Variants in EIF2B3 observed in about 807,000 individuals in gnomAD.
EIF2B3 encodes the protein eukaryotic translation initiation factor 2B subunit gamma, also known as translation initiation factor eIF2B subunit gamma.
Under a neutral mutation model 54.1 loss-of-function variants are expected in EIF2B3, and 20 were observed. That is an observed-to-expected ratio of 0.37 (90% CI 0.26 to 0.54). EIF2B3 has a LOEUF of 0.54. Among genes scored for constraint, EIF2B3 ranks in the 20% least tolerant of loss-of-function variants. EIF2B3 has a pLI of 0.86. For synonymous variants in EIF2B3, 153 were observed against 188.1 expected (o/e 0.81, Z 1.52); for missense variants, 448 against 547.8 (o/e 0.82, Z 1.82).
chr1:44,872,300 C>T (rs973277349), intron 10 of EIF2B3, among the ~76,000 whole-genome samples: 1 of 152,032 alleles, frequency 6.6e-6, no homozygotes, highest in Non-Finnish European at 1.5e-5. Context: ...TCCAAAGTGC[C>T]GGGACTATGG....
At chr1:44,945,817 G>GA (rs35519410) in intron 3 of EIF2B3, among the ~76,000 whole-genome samples, 2 of 151,998 alleles carry the variant, frequency 1.3e-5, no homozygotes, top group East Asian at 1.9e-4. Context: ...ATTTGCTGAG[G>GA]AAAAAAATCC....
At chr1:44,934,677 G>A (rs113915935) in intron 4 of EIF2B3, among the ~76,000 whole-genome samples, 1 of 151,768 alleles carries the variant, frequency 6.6e-6, no homozygotes, top group African/African-American at 2.4e-5. Context: ...GCTAATTTTT[G>A]TATTTTTAGT....
At chr1:44,952,088 A>C (rs1271215313) in intron 3 of EIF2B3, among the ~76,000 whole-genome samples, 1 of 129,702 alleles carries the variant, frequency 7.7e-6, no homozygotes, top group Admixed American at 8.0e-5. Flanking sequence ...TCAGCCTCCC[A>C]AGTAGCTGGG....
intron 5 of EIF2B3, among the ~76,000 whole-genome samples, chr1:44,902,829 TA>T (rs11458839): frequency 2.3e-5 from 2 of 85,462 alleles, no homozygotes; most frequent in African/African-American, 3.8e-5. Context: ...ACTCTTTCTT[TA>T]AAAAAAAAAA....
chr1:44,975,317 ATATGTTCTGAGAAATCCGG>A (rs1017840412), intron 3 of EIF2B3, among the ~76,000 whole-genome samples: 2 of 152,206 alleles, frequency 1.3e-5, no homozygotes, highest in African/African-American at 4.8e-5. Flanking sequence ...AATGACAGCG[ATATGTTCTGAGAAATCCGG>A]TATGTTCTGA....
At chr1:44,972,268 T>C (rs263999) in intron 3 of EIF2B3, among the ~76,000 whole-genome samples, 1,502 of 90,994 alleles carry the variant, frequency 0.017, 35 homozygotes, top group African/African-American at 0.064. Flanking sequence ...CACACACACA[T>C]ATACACACAC....
chr1:44,936,277 T>C (rs561599621), intron 4 of EIF2B3, among the ~76,000 whole-genome samples: 1 of 151,996 alleles, frequency 6.6e-6, no homozygotes, highest in Non-Finnish European at 1.5e-5. Context: ...GCTGTTTGAA[T>C]CACTAGAAAA....
In EIF2B3 at chr1:44,942,420, T is replaced by A. The variant is rs1452604073; in HGVS notation, c.295-755A>T. Among the ~76,000 whole-genome samples, 25 of 47,040 alleles carry A rather than the reference T, an allele frequency of 5.3e-4. 2 individuals carry two copies. Among genetic ancestry groups the A allele is most frequent in the African/African-American group, 2.6e-3 (25 of 9,456 alleles). 30.9% of individuals were successfully genotyped at this position (47,040 alleles called of 152,430 possible). A position where few individuals can be genotyped will look rare whatever the true frequency, so the allele number is the denominator to read the frequency against. On this transcript the variant is annotated intron_variant, in intron 3 of 11. Transcript: ENST00000360403. ...ATATATATATATATATATATATATT[T>A]TTTTTTTTTTTTTTTTTTTTTTTTC...
intron 5 of EIF2B3, among the ~76,000 whole-genome samples, chr1:44,901,100 C>T (rs1176218454): frequency 6.6e-6 from 1 of 151,940 alleles, no homozygotes; most frequent in Admixed American, 6.6e-5. Flanking sequence ...TCGTGCCATG[C>T]CTGGCTAATT....
intron 5 of EIF2B3, among the ~76,000 whole-genome samples, chr1:44,925,917 C>T (rs1478659857): frequency 5.3e-5 from 8 of 150,626 alleles, no homozygotes; most frequent in African/African-American, 2.0e-4. Flanking sequence ...GAGCAAGACT[C>T]CCTCTCCAAA....
At chr1:44,871,460 C>T (rs1186745749) in intron 10 of EIF2B3, among the ~76,000 whole-genome samples, 4 of 152,208 alleles carry the variant, frequency 2.6e-5, no homozygotes, top group Admixed American at 6.5e-5. Flanking sequence ...ACCTATCAAA[C>T]GCCTCAGGGA....
chr1:44,860,852 TCCCAA>T (rs1426823366), intron 10 of EIF2B3, among the ~76,000 whole-genome samples: 1 of 151,868 alleles, frequency 6.6e-6, no homozygotes, highest in African/African-American at 2.4e-5. Context: ...AAGGAAAAAT[TCCCAA>T]CCCAAGAGGC....
intron 5 of EIF2B3, among the ~76,000 whole-genome samples, chr1:44,908,660 T>C (rs2148920909): frequency 6.6e-6 from 1 of 152,310 alleles, no homozygotes; most frequent in South Asian, 2.1e-4. Flanking sequence ...TTTAGGAATG[T>C]GTGCTTTATT....
intron 5 of EIF2B3, among the ~76,000 whole-genome samples, chr1:44,907,348 A>C: frequency 6.6e-6 from 1 of 151,244 alleles, no homozygotes; most frequent in African/African-American, 2.4e-5. Flanking sequence ...TCACGAGGTC[A>C]GGGGATGGAG....
At chr1:44,942,391 A>ATGTGTGTG (rs776920186) in intron 3 of EIF2B3, among the ~76,000 whole-genome samples, 1 of 11,888 alleles carries the variant, frequency 8.4e-5, no homozygotes, top group African/African-American at 5.4e-4. Flanking sequence ...ATATATATAT[A>ATGTGTGTG]TATATATATA....
chr1:44,967,440 C>T (rs539993710), intron 3 of EIF2B3, among the ~76,000 whole-genome samples: 6 of 139,714 alleles, frequency 4.3e-5, no homozygotes, highest in African/African-American at 1.6e-4. Flanking sequence ...GAGCGAGACT[C>T]TGTCTCAAAA....
intron 10 of EIF2B3, among the ~76,000 whole-genome samples, chr1:44,869,593 C>CTTTTTTTT (rs60006087): frequency 1.8e-4 from 13 of 71,232 alleles, no homozygotes; most frequent in Non-Finnish European, 2.9e-4. Flanking sequence ...GAGGTAAGGC[C>CTTTTTTTT]TTTTTTTTTT....
chr1:44,926,599 T>A, intron 5 of EIF2B3, 29 bp downstream of exon 5: 3 of 1,576,168 alleles, frequency 1.9e-6, no homozygotes, highest in Non-Finnish European at 2.6e-6. Flanking sequence ...ACAAGGAGAA[T>A]TGCCAGAAGA....
At chr1:44,899,191 TA>T (rs1656080765) in intron 5 of EIF2B3, among the ~76,000 whole-genome samples, 1 of 152,228 alleles carries the variant, frequency 6.6e-6, no homozygotes, top group South Asian at 2.1e-4. Flanking sequence ...TTACATACCA[TA>T]AAATTCACCT....
Sources: allele counts gnomAD v4.1 joint callset (sites outside exome capture counted in the v4.1 genomes callset), GRCh38; gene constraint gnomAD v4.1.1; transcripts MANE v1.5; gene names NCBI Gene and HGNC (gene_info 2026-07-23, HGNC 2026-07-21).